The following CCDC102B variants were observed in gnomAD, a reference collection of about 807,000 sequenced individuals.
The protein encoded by CCDC102B is coiled-coil domain-containing protein 102B.
In CCDC102B, 75 loss-of-function variants were observed where a neutral mutation model predicts 57.4. The ratio of observed to expected loss-of-function variants is 1.31; its 90% CI spans 1.08 to 1.58. The LOEUF is 1.58. Ranked by LOEUF, CCDC102B falls within the 40% of genes most tolerant of loss-of-function variation. The pLI is 0.00. For synonymous variants in CCDC102B, 206 were observed against 201.9 expected, an observed-to-expected ratio of 1.02 and a Z score of -0.17; for missense variants, 636 against 582.6, an observed-to-expected ratio of 1.09 and a Z score of -0.94.
chr18:68,846,464 T>C, intron 4 of CCDC102B, 43 bp downstream of exon 4: 3 of 1,289,444 alleles, frequency 2.3e-6, no homozygotes, highest in Non-Finnish European at 3.2e-6. Flanking sequence ...AAGCCTAGCT[T>C]TTTCTTTCTT....
intron 4 of CCDC102B, among the ~76,000 whole-genome samples, chr18:68,861,089 C>T (rs2038729410): frequency 6.7e-6 from 1 of 149,038 alleles, no homozygotes; most frequent in African/African-American, 2.5e-5. Flanking sequence ...CAGTGCCCAG[C>T]ATATAGGAAA....
At chr18:68,790,424 C>G (rs1189539354) in intron 2 of CCDC102B, among the ~76,000 whole-genome samples, 2 of 152,008 alleles carry the variant, frequency 1.3e-5, no homozygotes, top group East Asian at 1.9e-4. Flanking sequence ...CGCCCCTCCC[C>G]CAGCCTCGCT....
At chr18:69,020,472 C>A (rs1425197341) in intron 7 of CCDC102B, among the ~76,000 whole-genome samples, 1 of 152,032 alleles carries the variant, frequency 6.6e-6, no homozygotes, top group Non-Finnish European at 1.5e-5. Context: ...ACTATAGTAT[C>A]ATTTTGGAAG....
intron 7 of CCDC102B, among the ~76,000 whole-genome samples, chr18:69,013,487 A>C (rs78075176): frequency 2.0e-5 from 3 of 152,224 alleles, no homozygotes; most frequent in African/African-American, 7.2e-5. Context: ...CAATATATCC[A>C]TGTAACAAAA....
At chr18:68,949,934 G>A (rs17079959) in intron 6 of CCDC102B, among the ~76,000 whole-genome samples, 18,068 of 152,012 alleles carry the variant, frequency 0.12, 1,447 homozygotes, top group East Asian at 0.3. Flanking sequence ...TTTAAGTATA[G>A]GAAACATTTC....
At chr18:69,006,365 G>A (rs2051341870) in intron 6 of CCDC102B, among the ~76,000 whole-genome samples, 1 of 151,900 alleles carries the variant, frequency 6.6e-6, no homozygotes, top group African/African-American at 2.4e-5. Flanking sequence ...AGAAATGAAT[G>A]GATGGTAGCA....
At chr18:68,994,238 AT>A (rs1266121390) in intron 6 of CCDC102B, among the ~76,000 whole-genome samples, 1 of 152,158 alleles carries the variant, frequency 6.6e-6, no homozygotes, top group Non-Finnish European at 1.5e-5. Flanking sequence ...TGATATGGAA[AT>A]TTGTTGGAAA....
intron 4 of CCDC102B, among the ~76,000 whole-genome samples, chr18:68,863,522 C>T (rs2038848751): frequency 6.6e-6 from 1 of 151,882 alleles, no homozygotes; most frequent in African/African-American, 2.4e-5. Flanking sequence ...AATTTTCCAG[C>T]TCAGTTATTT....
At chr18:68,994,664 G>A (rs939643809) in intron 6 of CCDC102B, among the ~76,000 whole-genome samples, 2 of 152,148 alleles carry the variant, frequency 1.3e-5, no homozygotes, top group African/African-American at 4.8e-5. Flanking sequence ...CCTTCCTGAT[G>A]CCTTGTGAAG....
At chr18:68,839,787 C>T (rs1457390806) in intron 3 of CCDC102B, among the ~76,000 whole-genome samples, 2 of 152,108 alleles carry the variant, frequency 1.3e-5, no homozygotes, top group Non-Finnish European at 2.9e-5. Context: ...TGCAAGTGAA[C>T]ATCTTAAGAA....
At chr18:68,791,529 GTT>G (rs11340167) in intron 2 of CCDC102B, among the ~76,000 whole-genome samples, 13 of 151,732 alleles carry the variant, frequency 8.6e-5, no homozygotes, top group African/African-American at 2.4e-4. Flanking sequence ...TTGTAACAAT[GTT>G]TTTTTTTGTT....
At chr18:68,924,563 C>G (rs971468042) in intron 6 of CCDC102B, among the ~76,000 whole-genome samples, 1 of 152,014 alleles carries the variant, frequency 6.6e-6, no homozygotes, top group African/African-American at 2.4e-5. Flanking sequence ...TGAAAATGGA[C>G]TAATAAACAC....
In CCDC102B at chr18:68,757,506, TA is replaced by T. The variant is rs534667054; in HGVS notation, c.-67+40919del. 2.9e-3 allele frequency among the ~76,000 whole-genome samples: 434 copies of T among 152,216 alleles called. 1 individual carries two copies. Among genetic ancestry groups the T allele is most frequent in the African/African-American group, 0.01 (416 of 41,556 alleles). ...TGGTCAACCAGATGAAATTTTCTCT[TA>T]AAAAAACAGGTAATGCTATTTAAAA... On this transcript the variant is annotated intron_variant, in intron 2 of 3. Transcript: ENST00000578970.
intron 1 of CCDC102B, among the ~76,000 whole-genome samples, chr18:68,806,508 T>C (rs1158175609): frequency 6.6e-6 from 1 of 152,124 alleles, no homozygotes; most frequent in African/African-American, 2.4e-5. Context: ...CTTAATTTCC[T>C]GTATTTAGGA....
chr18:68,897,186 T>A, intron 5 of CCDC102B, 33 bp from the exon 6 acceptor site: 2 of 1,568,386 alleles, frequency 1.3e-6, no homozygotes, highest in Non-Finnish European at 1.7e-6. Context: ...TTGCAAATGC[T>A]GCATGCTGCT....
At chr18:68,738,273 G>GAA (rs941617990) in intron 2 of CCDC102B, among the ~76,000 whole-genome samples, 3 of 152,040 alleles carry the variant, frequency 2.0e-5, no homozygotes, top group African/African-American at 7.2e-5. Context: ...GAGCAGAGTA[G>GAA]ACATTCTTTG....
At chr18:68,797,757 C>CT (rs11409982), upstream of CCDC102B, among the ~76,000 whole-genome samples, 40,397 of 127,866 alleles carry the variant, frequency 0.32, 6,565 homozygotes, top group Non-Finnish European at 0.39. Flanking sequence ...ACTTCCTGGG[C>CT]TTTTTTTTTT....
At chr18:68,728,074 A>G (rs955780514) in intron 2 of CCDC102B, among the ~76,000 whole-genome samples, 2 of 152,170 alleles carry the variant, frequency 1.3e-5, no homozygotes, top group Non-Finnish European at 2.9e-5. Flanking sequence ...CTTTAGTTCA[A>G]TCTCTTGAAG....
chr18:68,877,690 T>C (rs2039503343), intron 5 of CCDC102B, among the ~76,000 whole-genome samples: 1 of 152,250 alleles, frequency 6.6e-6, no homozygotes, highest in Admixed American at 6.5e-5. Context: ...GTCATTGACT[T>C]AGAACTTTTC....
Sources: allele counts gnomAD v4.1 joint callset (sites outside exome capture counted in the v4.1 genomes callset), GRCh38; gene constraint gnomAD v4.1.1; transcripts MANE v1.5; gene names NCBI Gene and HGNC (gene_info 2026-07-23, HGNC 2026-07-21).